The following LRRC45 variants were observed in gnomAD, a reference collection of about 807,000 sequenced individuals.
The protein encoded by LRRC45 is leucine rich repeat containing 45.
Under a neutral mutation model 85.4 loss-of-function variants are expected in LRRC45, and 73 were observed. The ratio of observed to expected loss-of-function variants is 0.85; its 90% confidence interval spans 0.71 to 1.04. The LOEUF is 1.04. LRRC45 is among the 50% of genes least tolerant of loss of function. The pLI, the probability that LRRC45 is intolerant of heterozygous loss-of-function variation, is 0.00. For missense variants in LRRC45, 937 were observed against 883.3 expected (o/e 1.06, Z -0.77); for synonymous variants, 429 against 386.0 (o/e 1.11, Z -1.31).
At chr17:82,027,531 G>A (rs1183236066) in intron 7 of LRRC45, 87 bp downstream of exon 7, 2 of 1,583,706 alleles carry the variant, frequency 1.3e-6, no homozygotes, top group Non-Finnish European at 1.7e-6. Flanking sequence ...GAGCCCACGA[G>A]TGAGGCCACG....
chr17:82,023,791 C>G lies in LRRC45; in HGVS notation c.148C>G (p.Leu50Val). 2 of 1,567,530 alleles carry G rather than the reference C, an allele frequency of 1.3e-6. No homozygotes were observed. The highest frequency in any genetic ancestry group is 1.7e-6 in the Non-Finnish European group (2 of 1,158,850). The change falls in exon 1 of 17, where the codon CTG becomes GTG. Residue 50 changes from leucine (L) to valine (V), a missense_variant. Coordinates refer to ENST00000306688, the MANE Select transcript of LRRC45 (RefSeq NM_144999.4). ...QSLTVETCRA[L>V]GKLLPRETLC... is the part of the protein sequence containing the mutation. ...CCTGACGGTGGAGACCTGCAGGGCC[C>G]TGGGCAAGCTGCTGCCGAGGGAGAC...
In LRRC45 at chr17:82,023,497, G is replaced by A. The variant is rs1359361260; in HGVS notation, c.-147G>A. The A allele has an allele frequency of 3.7e-5, 26 of 701,274 alleles. 2 individuals are homozygous for A. The South Asian group carries it at 5.0e-4, about 13-fold the overall frequency. 43.4% of individuals were successfully genotyped at this position (701,274 alleles called of 1,614,324 possible). ...CAGCCCCGCGCTCCCAGGACCTCCC[G>A]CCCGCGGAGCCCACTCGGATTGCTC... On this transcript the variant is annotated 5_prime_UTR_variant, in exon 1 of 17. Transcript: ENST00000306688.
At position 82,026,834 on chromosome 17, in the gene LRRC45, C is replaced by A. The variant is rs537824751; in HGVS notation, c.662-65C>A. On this transcript the variant is annotated intron_variant, in intron 5 of 16. Coordinates refer to ENST00000306688, the MANE Select transcript of LRRC45 (RefSeq NM_144999.4). The stretch of plus-strand genomic sequence containing the variant: ...ACCTCAGGTGATCCACCCACCTCGA[C>A]CTCCCAAAGTGCTGGGATTCCAGGC... The A allele has an allele frequency of 1.5e-5, 21 of 1,358,738 alleles. No individual in the cohort carries two copies. The South Asian group carries it at 2.5e-4, about 16-fold the overall frequency. 84.2% of individuals were successfully genotyped at this position (1,358,738 alleles called of 1,614,324 possible).
intron 12 of LRRC45, 175 bp downstream of exon 12, chr17:82,028,858 G>T: frequency 1.2e-6 from 1 of 805,318 alleles, no homozygotes; most frequent in Non-Finnish European, 1.9e-6. Context: ...GGGGCGGCGG[G>T]GGGACCCCGG....
rs1002573889 is a variant in LRRC45 at position 82,028,274 on chromosome 17, C to T, written c.1088C>T (p.Ser363Phe). The T allele has an allele frequency of 5.1e-6, 8 of 1,582,842 alleles. No individual in the cohort carries two copies. Among genetic ancestry groups the T allele is most frequent in the Middle Eastern group, 1.7e-4 (1 of 6,056 alleles). Residue 363 changes from serine (S) to phenylalanine (F), a missense_variant, in exon 10 of 17, where the codon TCT becomes TTT. Ser to Phe is a radical substitution (Grantham distance 155). Transcript: ENST00000306688. Reference sequence around the variant, plus strand: ...GAGTCTAAACTCCTCAGAGACTTGTCTGCTGCCAATGAAAAGAACCTGCTT... The same window carrying T: ...GAGTCTAAACTCCTCAGAGACTTGTTTGCTGCCAATGAAAAGAACCTGCTT... Reference protein sequence around the residue: ...ERESKLLRDLSAANEKNLLLQ... With the variant: ...ERESKLLRDLFAANEKNLLLQ...
Position 82,024,982 on chromosome 17 carries a change from C to A in LRRC45, c.354-18C>A. On this transcript the variant is annotated intron_variant, in intron 3 of 16. Transcript: ENST00000306688. Reference sequence around the variant, plus strand: ...AGGCAGTCCCCTAGGTGAACACTGGCTTCTGCCCCTCCTGCAGCCTCACGC... The same window carrying A: ...AGGCAGTCCCCTAGGTGAACACTGGATTCTGCCCCTCCTGCAGCCTCACGC... 2 of 1,544,342 alleles carry A rather than the reference C, an allele frequency of 1.3e-6. No individual in the cohort carries two copies. Among genetic ancestry groups the A allele is most frequent in the African/African-American group, 1.4e-5 (1 of 73,488 alleles).
chr17:82,024,259 G>A lies in LRRC45; in HGVS notation c.221-19G>A, dbSNP rs1167441502. On this transcript the variant is annotated intron_variant, in intron 1 of 16. Coordinates refer to ENST00000306688, the MANE Select transcript of LRRC45 (RefSeq NM_144999.4). ...GGGTCAGCAGGGGCAGAGAGTGACCGCCGGCCCCCCTTACACAGGGGCCAC... is the reference window on the plus strand; with the variant it reads ...GGGTCAGCAGGGGCAGAGAGTGACCACCGGCCCCCCTTACACAGGGGCCAC... The A allele has an allele frequency of 7.5e-6, 12 of 1,610,144 alleles. No individual in the cohort carries two copies. In the African/African-American group the frequency reaches 8.0e-5, roughly 11 times the overall value.
At position 82,028,241 on chromosome 17, in the gene LRRC45, C is replaced by T. The variant is rs867550009; in HGVS notation, c.1055C>T (p.Ala352Val). The T allele has an allele frequency of 1.9e-6, 3 of 1,574,198 alleles. No homozygotes were observed. The highest frequency in any genetic ancestry group is 2.6e-6 in the Non-Finnish European group (3 of 1,159,726). The change falls in exon 10 of 17, where the codon GCA (alanine) becomes GTA (valine). Residue 352 changes from alanine (A) to valine (V), a missense_variant. Transcript: ENST00000306688. The part of the protein sequence containing the change: ...KELKLEQQEA[A>V]ERESKLLRDL... ...ACCCCGTTCCCCTCCCAGGAAGCTG[C>T]AGAGCGGGAGTCTAAACTCCTCAGA... is the stretch of plus-strand genomic sequence containing the variant.
chr17:82,030,007 C>A, intron 14 of LRRC45, 58 bp from the exon 15 acceptor site: 2 of 1,469,476 alleles, frequency 1.4e-6, no homozygotes, highest in Non-Finnish European at 1.8e-6. Context: ...TGCAGACATT[C>A]CCTCAGCTGA....
rs1245833440 is a variant in LRRC45, at chr17:82,030,052, C to T, written c.1495-13C>T. 4 of 1,540,800 alleles carry T rather than the reference C, an allele frequency of 2.6e-6. No homozygotes were observed. The highest frequency in any genetic ancestry group is 3.5e-6 in the Non-Finnish European group (4 of 1,146,056). The stretch of plus-strand genomic sequence containing the variant: ...GAGCCCCTCATGCTTCGTGGCGGCC[C>T]CTGTGCTCACAGCAACAGCGCCTGG... On this transcript the variant is annotated splice_polypyrimidine_tract_variant and intron_variant, in intron 14 of 16. Transcript: ENST00000306688.
chr17:82,024,425 G>C (rs2043347554), intron 2 of LRRC45, 86 bp downstream of exon 2: 1 of 1,501,020 alleles, frequency 6.7e-7, no homozygotes. Context: ...GGGGGCCTGG[G>C]GTCTGGGCAG....
intron 13 of LRRC45, 104 bp downstream of exon 13, chr17:82,029,289 C>T: frequency 8.4e-7 from 1 of 1,189,340 alleles, no homozygotes; most frequent in Non-Finnish European, 1.2e-6. Context: ...TCTTCCTGTT[C>T]CCAGAGGCTC....
intron 11 of LRRC45, 39 bp downstream of exon 11, chr17:82,028,547 T>C: frequency 6.2e-7 from 1 of 1,611,498 alleles, no homozygotes; most frequent in Non-Finnish European, 8.5e-7. Context: ...GGCCTGGGGA[T>C]GGGCACCGGG....
chr17:82,025,599 T>C (rs2043361911), intron 5 of LRRC45, 92 bp downstream of exon 5: 5 of 1,409,974 alleles, frequency 3.5e-6, no homozygotes, highest in Non-Finnish European at 4.7e-6. Context: ...CGGGAACTGA[T>C]GAGGAGAGCA....
Position 82,027,716 on chromosome 17 carries a change from T to G in LRRC45, c.876T>G (p.Asn292Lys), listed in dbSNP as rs2043380594. 4 of 1,611,052 alleles carry G rather than the reference T, an allele frequency of 2.5e-6. No homozygotes were observed. The highest frequency in any genetic ancestry group is 1.1e-5 in the South Asian group (1 of 90,748). Residue 292 changes from asparagine to lysine, a missense_variant, in exon 8 of 17, where the codon AAT becomes AAG. Asn to Lys is a moderately conservative substitution (Grantham distance 94). Transcript: ENST00000306688. Reference sequence around the variant, plus strand: ...TAGGGCAGCTTCAGGAAGCCCTGAATGAGAGGCACTCCATCATCAACGCTC... The same window carrying G: ...TAGGGCAGCTTCAGGAAGCCCTGAAGGAGAGGCACTCCATCATCAACGCTC... Reference protein sequence around the residue: ...ARVGQLQEALNERHSIINALK... With the variant: ...ARVGQLQEALKERHSIINALK...
At chr17:82,024,396 G>A (rs931136527) in intron 2 of LRRC45, 57 bp downstream of exon 2, 12 of 1,599,088 alleles carry the variant, frequency 7.5e-6, no homozygotes, top group African/African-American at 1.3e-5. Context: ...AAGAGGAGAG[G>A]TGGAAGATGC....
At chr17:82,026,414 C>T (rs2043367914) in intron 5 of LRRC45, among the ~76,000 whole-genome samples, 1 of 152,200 alleles carries the variant, frequency 6.6e-6, no homozygotes. Flanking sequence ...AAAGCACTTC[C>T]ACCCCCATGC....
intron 11 of LRRC45, 35 bp downstream of exon 11, chr17:82,028,543 G>A: frequency 6.2e-7 from 1 of 1,611,790 alleles, no homozygotes; most frequent in Admixed American, 1.7e-5. Context: ...GAGGGGCCTG[G>A]GGATGGGCAC....
chr17:82,030,772 G>A lies in LRRC45; in HGVS notation c.1980G>A (p.Ala660=). The change falls in exon 17 of 17, where the codon GCG becomes GCA. Residue 660 remains alanine, a synonymous_variant. Coordinates refer to ENST00000306688, the MANE Select transcript of LRRC45 (RefSeq NM_144999.4). ...LQNAVLAYVQ[A]SPVRTLSPPK ...ACGCCGTCCTGGCTTACGTGCAGGC[G>A]TCCCCCGTGAGGACCCTGAGCCCCC... is the stretch of plus-strand genomic sequence containing the variant. The A allele has an allele frequency of 2.1e-6, 3 of 1,436,484 alleles. No homozygotes were observed. Among genetic ancestry groups the A allele is most frequent in the South Asian group, 1.5e-5 (1 of 68,252 alleles). The allele number at this position is 1,436,484 out of a possible 1,614,324, so 89.0% of individuals were successfully genotyped here.
Sources: gnomAD v4.1 joint callset for allele counts (sites outside exome capture counted in the v4.1 genomes callset) on GRCh38, gnomAD v4.1.1 for gene constraint, MANE v1.5 for transcripts, NCBI Gene and HGNC (gene_info 2026-07-23, HGNC 2026-07-21) for gene names.